The following IQGAP2 variants were observed in gnomAD, a reference collection of about 807,000 sequenced individuals.
The protein encoded by IQGAP2 is ras GTPase-activating-like protein IQGAP2.
A neutral mutation model predicts 201.3 loss-of-function variants in IQGAP2; 173 were observed. That is an observed-to-expected ratio of 0.86 (90% CI 0.76 to 0.98). IQGAP2 has a LOEUF of 0.98. Among genes scored for constraint, IQGAP2 ranks in the 50% least tolerant of loss-of-function variants. The pLI is 0.00. For synonymous variants in IQGAP2, 675 were observed against 673.9 expected (o/e 1.00, Z -0.03); for missense variants, 1,687 against 1,864.8 (o/e 0.90, Z 1.76).
chr5:76,677,085 C>A, intron 27 of IQGAP2, 133 bp from the exon 28 acceptor site: 1 of 804,460 alleles, frequency 1.2e-6, no homozygotes, highest in Non-Finnish European at 1.9e-6. Context: ...CTGGAAGAAG[C>A]TGTAACACGT....
intron 1 of IQGAP2, among the ~76,000 whole-genome samples, chr5:76,408,992 C>T (rs891334594): frequency 2.6e-5 from 4 of 151,882 alleles, no homozygotes; most frequent in Admixed American, 6.6e-5. Flanking sequence ...TGGGGTTTCC[C>T]CGTGTGGTCA....
At chr5:76,404,069 C>T (rs1750659703) in intron 1 of IQGAP2, among the ~76,000 whole-genome samples, 1 of 152,204 alleles carries the variant, frequency 6.6e-6, no homozygotes, top group Non-Finnish European at 1.5e-5. Context: ...GCCGGCTTGA[C>T]TGGAAGGGCG....
chr5:76,578,494 A>G (rs1745616902), intron 5 of IQGAP2, among the ~76,000 whole-genome samples: 1 of 152,086 alleles, frequency 6.6e-6, no homozygotes, highest in African/African-American at 2.4e-5. Context: ...TTGTATTTTT[A>G]GTAGAGACGG....
At chr5:76,672,251 A>G (rs1744397160) in intron 24 of IQGAP2, among the ~76,000 whole-genome samples, 1 of 152,180 alleles carries the variant, frequency 6.6e-6, no homozygotes. Flanking sequence ...ACCTAGACCT[A>G]GAGATGGTGT....
chr5:76,618,153 G>A lies in IQGAP2; in HGVS notation c.1521+6970G>A, dbSNP rs765324788. ...CAGGTAGCGGTTGATGCTGATGCAGGCAAGGAGCAGAATGGAGCAGTACAT... is the reference window on the plus strand; with the variant it reads ...CAGGTAGCGGTTGATGCTGATGCAGACAAGGAGCAGAATGGAGCAGTACAT... On this transcript the variant is annotated intron_variant, in intron 13 of 35. Coordinates refer to ENST00000274364, the MANE Select transcript of IQGAP2 (RefSeq NM_006633.5). 6.2e-7 allele frequency: 1 copy of A among 1,614,170 alleles called. No homozygotes were observed. The highest frequency in any genetic ancestry group is 1.7e-5 in the Admixed American group (1 of 60,030).
intron 2 of IQGAP2, among the ~76,000 whole-genome samples, chr5:76,551,273 G>A (rs1194324049): frequency 6.6e-6 from 1 of 150,446 alleles, no homozygotes; most frequent in East Asian, 2.0e-4. Context: ...CGGGGCAGAG[G>A]CGCTCCCCAC....
intron 2 of IQGAP2, among the ~76,000 whole-genome samples, chr5:76,554,667 T>G (rs769185238): frequency 2.6e-5 from 4 of 152,146 alleles, no homozygotes; most frequent in Non-Finnish European, 4.4e-5. Flanking sequence ...AGAATATTGG[T>G]AAGGATGTGA....
chr5:76,600,641 A>G (rs142490345), intron 10 of IQGAP2, among the ~76,000 whole-genome samples, 171 bp from the exon 11 acceptor site: 4 of 152,348 alleles, frequency 2.6e-5, no homozygotes, highest in African/African-American at 7.2e-5. Context: ...CCCAGGAGCC[A>G]TATACCTGTT....
At chr5:76,699,901 GTTTCTC>G (rs1283536368) in intron 33 of IQGAP2, among the ~76,000 whole-genome samples, 2 of 7,340 alleles carry the variant, frequency 2.7e-4, no homozygotes, top group South Asian at 4.6e-3. Flanking sequence ...GCTTCTTTCT[GTTTCTC>G]TCTCTCTCTC....
At chr5:76,580,494 TACTTGTGTTTTAATAATGCTCCCCA>T (rs1745773207) in intron 5 of IQGAP2, among the ~76,000 whole-genome samples, 1 of 152,060 alleles carries the variant, frequency 6.6e-6, no homozygotes, top group Non-Finnish European at 1.5e-5. Flanking sequence ...AGAAACAAAG[TACTTGTGTTTTAATAATGCTCCCCA>T]ACTTGTTAAA....
At chr5:76,618,100 C>T (rs1480332423) in intron 13 of IQGAP2, 11 of 1,613,944 alleles carry the variant, frequency 6.8e-6, no homozygotes, top group East Asian at 6.7e-5. Context: ...TTGGGCAGGC[C>T]CCGGTAGGTG....
chr5:76,453,950 G>C (rs928222885), intron 1 of IQGAP2, among the ~76,000 whole-genome samples: 11 of 152,018 alleles, frequency 7.2e-5, no homozygotes, highest in African/African-American at 2.4e-4. Context: ...TTTTAAATTG[G>C]CCTTGGAAAC....
intron 2 of IQGAP2, among the ~76,000 whole-genome samples, chr5:76,550,663 G>A (rs1039372799): frequency 1.3e-5 from 2 of 152,182 alleles, no homozygotes; most frequent in Non-Finnish European, 2.9e-5. Flanking sequence ...AGAGCACGGG[G>A]TTGGGGGTAG....
At chr5:76,605,912 T>C (rs1252479104) in intron 11 of IQGAP2, among the ~76,000 whole-genome samples, 2 of 152,212 alleles carry the variant, frequency 1.3e-5, no homozygotes, top group African/African-American at 4.8e-5. Context: ...CTTGAAAGTT[T>C]CCAGTTTTGC....
intron 28 of IQGAP2, among the ~76,000 whole-genome samples, chr5:76,680,156 T>A (rs769573294): frequency 6.6e-6 from 1 of 152,216 alleles, no homozygotes; most frequent in Non-Finnish European, 1.5e-5. Flanking sequence ...ACATAAAGAC[T>A]AATGGGATAG....
At chr5:76,582,783 A>AACTACTACT (rs35811029) in intron 5 of IQGAP2, among the ~76,000 whole-genome samples, 8,679 of 151,804 alleles carry the variant, frequency 0.057, 691 homozygotes, top group East Asian at 0.43. Flanking sequence ...AGTAGATAAC[A>AACTACTACT]ACTACTACTA....
At chr5:76,528,104 C>T (rs1468958687) in intron 2 of IQGAP2, among the ~76,000 whole-genome samples, 3 of 152,106 alleles carry the variant, frequency 2.0e-5, no homozygotes, top group African/African-American at 7.2e-5. Flanking sequence ...TGACATGGAT[C>T]TTGGGCGCCA....
At chr5:76,595,243 C>CTTTT (rs1180358517) in intron 9 of IQGAP2, among the ~76,000 whole-genome samples, 8 of 35,304 alleles carry the variant, frequency 2.3e-4, no homozygotes, top group African/African-American at 3.6e-4. Flanking sequence ...CATTTCTTTG[C>CTTTT]TTTTTTTTTT....
chr5:76,577,587 C>T (rs1297055186), intron 5 of IQGAP2, among the ~76,000 whole-genome samples: 2 of 152,164 alleles, frequency 1.3e-5, no homozygotes, highest in Non-Finnish European at 2.9e-5. Flanking sequence ...GTATAGCTGC[C>T]TCTCACTATG....
Sources: allele counts gnomAD v4.1 joint callset (sites outside exome capture counted in the v4.1 genomes callset), GRCh38; gene constraint gnomAD v4.1.1; transcripts MANE v1.5; gene names NCBI Gene and HGNC (gene_info 2026-07-23, HGNC 2026-07-21).